Variants in MAST4 observed in about 807,000 individuals in gnomAD.
MAST4 encodes microtubule-associated serine/threonine-protein kinase 4.
In MAST4, 89 loss-of-function variants were observed where a neutral mutation model predicts 162.7. The observed-to-expected ratio is 0.55, with a 90% CI of 0.46 to 0.65. The LOEUF (loss-of-function observed/expected upper bound fraction) is 0.65, where lower values mean the gene tolerates loss of function less well. Ranked by LOEUF, MAST4 falls within the 30% of genes least tolerant of loss-of-function variation. The pLI is 0.00. For missense variants in MAST4, 3,153 were observed against 3,374.0 expected (o/e 0.93, Z 1.62); for synonymous variants, 1,479 against 1,361.1 (o/e 1.09, Z -1.91).
Position 67,166,017 on chromosome 5 carries a change from G to T in MAST4, c.6838G>T (p.Ala2280Ser), listed in dbSNP as rs745793253. ...CTCTGTCCCACTGCACACTGACAGG[G>T]CTCCTCTAGACGCCAAGCCACAACC... ...GPSVPLHTDR[A>S]PLDAKPQPTS... Residue 2280 changes from alanine (A) to serine (S), a missense_variant, in exon 29 of 29, where the codon GCT becomes TCT. Transcript: ENST00000403625. 1.4e-5 allele frequency: 22 copies of T among 1,613,570 alleles called. No individual in the cohort carries two copies. The African/African-American group carries it at 2.7e-4, about 20-fold the overall frequency.
intron 1 of MAST4, among the ~76,000 whole-genome samples, chr5:66,659,613 T>C (rs761043754): frequency 6.6e-6 from 1 of 152,216 alleles, no homozygotes; most frequent in Non-Finnish European, 1.5e-5. Context: ...TTCTGATGCA[T>C]TTTTTGTTAT....
chr5:66,968,333 C>T (rs1348861285), intron 4 of MAST4, among the ~76,000 whole-genome samples: 1 of 152,176 alleles, frequency 6.6e-6, no homozygotes, highest in Non-Finnish European at 1.5e-5. Context: ...GTCATAAACA[C>T]ACAGTCAGCT....
At chr5:67,052,159 C>T (rs1445034829) in intron 4 of MAST4, among the ~76,000 whole-genome samples, 2 of 152,078 alleles carry the variant, frequency 1.3e-5, no homozygotes, top group South Asian at 2.1e-4. Context: ...CTTCTTTTAA[C>T]TTTCTCATGT....
intron 12 of MAST4, 118 bp downstream of exon 12, chr5:67,114,337 C>G: frequency 1.6e-6 from 2 of 1,253,924 alleles, no homozygotes; most frequent in Non-Finnish European, 2.2e-6. Flanking sequence ...ATTGATAAGT[C>G]CATATTTGGG....
intron 1 of MAST4, among the ~76,000 whole-genome samples, chr5:66,635,992 T>C (rs1745097614): frequency 7.9e-6 from 1 of 126,554 alleles, no homozygotes; most frequent in Non-Finnish European, 1.6e-5. Context: ...AGAGTCTTGC[T>C]CTGTCACCAG....
At chr5:66,879,484 T>C (rs1761547734) in intron 3 of MAST4, among the ~76,000 whole-genome samples, 1 of 152,022 alleles carries the variant, frequency 6.6e-6, no homozygotes, top group Non-Finnish European at 1.5e-5. Flanking sequence ...AGCTATGCTT[T>C]CTGGGAAAAT....
At chr5:67,052,293 CTGTT>C (rs1459255831) in intron 4 of MAST4, among the ~76,000 whole-genome samples, 4 of 152,096 alleles carry the variant, frequency 2.6e-5, no homozygotes, top group Non-Finnish European at 5.9e-5. Context: ...TAATGTAAAT[CTGTT>C]TGTATATTGA....
At chr5:66,782,613 T>C (rs1420269740) in intron 2 of MAST4, among the ~76,000 whole-genome samples, 2 of 152,230 alleles carry the variant, frequency 1.3e-5, no homozygotes, top group Admixed American at 6.5e-5. Flanking sequence ...GTCATGCCAG[T>C]AGAAAACATT....
intron 3 of MAST4, among the ~76,000 whole-genome samples, chr5:66,897,686 A>G (rs945020440): frequency 6.6e-6 from 1 of 152,226 alleles, no homozygotes; most frequent in South Asian, 2.1e-4. Context: ...GTCAGTTGAC[A>G]GTGGCCTATT....
At chr5:67,071,320 C>G (rs1194813349) in intron 5 of MAST4, among the ~76,000 whole-genome samples, 1 of 152,110 alleles carries the variant, frequency 6.6e-6, no homozygotes, top group Non-Finnish European at 1.5e-5. Context: ...TCAGTCATAC[C>G]TTTCACTGCT....
intron 4 of MAST4, among the ~76,000 whole-genome samples, chr5:67,048,970 CATATATATATATATATGT>C (rs1261849894): frequency 8.5e-6 from 1 of 117,954 alleles, no homozygotes; most frequent in Non-Finnish European, 1.7e-5. Context: ...ATACATATAG[CATATATATATATATATGT>C]ATATATATAT....
intron 23 of MAST4, among the ~76,000 whole-genome samples, chr5:67,146,650 CACTA>C (rs1771117128): frequency 6.6e-6 from 1 of 152,098 alleles, no homozygotes; most frequent in African/African-American, 2.4e-5. Flanking sequence ...ATTTCAACCT[CACTA>C]AGAAGTTTGG....
chr5:66,739,039 C>T (rs919982646), intron 1 of MAST4, among the ~76,000 whole-genome samples: 3 of 151,682 alleles, frequency 2.0e-5, no homozygotes, highest in African/African-American at 2.4e-5. Context: ...AATTAGCTAC[C>T]GTGATGAAGA....
chr5:66,828,206 CTT>C (rs1050281213), intron 3 of MAST4, among the ~76,000 whole-genome samples: 1 of 152,126 alleles, frequency 6.6e-6, no homozygotes, highest in Non-Finnish European at 1.5e-5. Context: ...AATGAATGGG[CTT>C]TCATGCTGGG....
intron 5 of MAST4, among the ~76,000 whole-genome samples, chr5:67,075,784 T>C (rs2150694833): frequency 6.6e-6 from 1 of 152,326 alleles, no homozygotes; most frequent in South Asian, 2.1e-4. Flanking sequence ...CTAGCACATT[T>C]TTAAGTTTTT....
At chr5:66,824,161 T>G (rs902945456) in intron 3 of MAST4, among the ~76,000 whole-genome samples, 3 of 152,206 alleles carry the variant, frequency 2.0e-5, no homozygotes, top group Admixed American at 2.0e-4. Context: ...AATATTTACT[T>G]TATGGCTGTC....
At chr5:66,951,634 G>GTGTGTATGTA (rs1554072461) in intron 4 of MAST4, among the ~76,000 whole-genome samples, 19 of 148,728 alleles carry the variant, frequency 1.3e-4, no homozygotes, top group African/African-American at 3.8e-4. Context: ...GTGTGTGTGT[G>GTGTGTATGTA]TGTGTGTGTG....
rs907212733 is a variant in MAST4, at chr5:67,018,913, A to G, written c.675-35491A>G. ...TAAATACATGGCTCAAGACAAAAAA[A>G]TGGGGAAAATATTTTTTAAAAAATC... On this transcript the variant is annotated intron_variant, in intron 4 of 28. Coordinates refer to ENST00000403625, the MANE Select transcript of MAST4 (RefSeq NM_001164664.2). 2.6e-5 allele frequency among the ~76,000 whole-genome samples: 4 copies of G among 152,346 alleles called. No individual in the cohort carries two copies. In the Middle Eastern group the frequency reaches 0.014, roughly 518 times the overall value.
At chr5:66,912,913 A>G (rs1042998521) in intron 4 of MAST4, among the ~76,000 whole-genome samples, 1 of 152,160 alleles carries the variant, frequency 6.6e-6, no homozygotes, top group African/African-American at 2.4e-5. Flanking sequence ...AATATCATCT[A>G]GGCTGTATTA....
Sources: allele counts gnomAD v4.1 joint callset (sites outside exome capture counted in the v4.1 genomes callset), GRCh38; gene constraint gnomAD v4.1.1; transcripts MANE v1.5; gene names NCBI Gene and HGNC (gene_info 2026-07-23, HGNC 2026-07-21).